HOXB3: variants seen among roughly 807,000 people sequenced by gnomAD.
The protein encoded by HOXB3 is homeobox protein Hox-B3.
A neutral mutation model predicts 29.2 loss-of-function variants in HOXB3; 17 were observed. The observed-to-expected ratio is 0.58, with a 90% confidence interval of 0.40 to 0.87. The LOEUF (loss-of-function observed/expected upper bound fraction) is 0.87, where lower values mean the gene tolerates loss of function less well. Among genes scored for constraint, HOXB3 ranks in the 40% least tolerant of loss-of-function variants. HOXB3 has a pLI of 0.00. For missense variants in HOXB3, 637 were observed against 616.3 expected (o/e 1.03, Z -0.35); for synonymous variants, 317 against 285.9 (o/e 1.11, Z -1.10).
intron 2 of HOXB3, among the ~76,000 whole-genome samples, chr17:48,556,138 G>A (rs1308910154): frequency 1.8e-5 from 2 of 113,562 alleles, no homozygotes; most frequent in Non-Finnish European, 4.2e-5. Flanking sequence ...AAGAAAAGAA[G>A]GAGGGTTTTT....
intron 1 of HOXB3, among the ~76,000 whole-genome samples, chr17:48,582,805 G>A (rs1294340111): frequency 1.3e-5 from 2 of 152,290 alleles, no homozygotes; most frequent in South Asian, 2.1e-4. Context: ...GAGTCAGTCG[G>A]CCACGCCCCT....
rs1308966213 is a variant in HOXB3 at position 48,551,068 on chromosome 17, A to T, written c.562T>A (p.Ser188Thr). 3.2e-6 allele frequency: 5 copies of T among 1,548,596 alleles called. No homozygotes were observed. The highest frequency in any genetic ancestry group is 4.4e-6 in the Non-Finnish European group (5 of 1,143,188). The change falls in exon 5 of 5, where the codon TCC becomes ACC. Residue 188 changes from serine (S) to threonine (T), a missense_variant. Ser to Thr is a moderately conservative substitution (Grantham distance 58). Coordinates refer to ENST00000498678, the MANE Select transcript of HOXB3 (RefSeq NM_001384749.1). ...GTGTACGCCGTCCGCGCCCGCTTGG[A>T]CGCCGCCGACCCCGGGGGGCTCTTG... ...GDKSPPGSAA[S>T]KRARTAYTSA...
intron 1 of HOXB3, chr17:48,576,645 T>TGCCCCCCCC: frequency 1.8e-6 from 1 of 559,068 alleles, no homozygotes; most frequent in Non-Finnish European, 2.5e-6. Flanking sequence ...CAGGGCCCCC[T>TGCCCCCCCC]CCTGTCCCCC....
intron 4 of HOXB3, 39 bp downstream of exon 4, chr17:48,551,988 C>CTT (rs753449425): frequency 7.2e-6 from 11 of 1,517,524 alleles, no homozygotes; most frequent in Non-Finnish European, 9.8e-6. Flanking sequence ...TTCCTGGCTC[C>CTT]GACAAAAGCT....
intron 3 of HOXB3, chr17:48,552,953 G>C (rs1295596380): frequency 6.4e-6 from 1 of 156,354 alleles, no homozygotes. Flanking sequence ...CTCTGGGATA[G>C]GATGGCTCAA....
chr17:48,583,850 A>G (rs780481652), intron 1 of HOXB3, among the ~76,000 whole-genome samples: 1 of 152,190 alleles, frequency 6.6e-6, no homozygotes, highest in African/African-American at 2.4e-5. Flanking sequence ...CCTTCACCCA[A>G]TTGGTTTAGT....
At chr17:48,555,335 GGAGAGAGAGAGA>G (rs763845981) in intron 3 of HOXB3, 184 bp downstream of exon 3, 3 of 470,716 alleles carry the variant, frequency 6.4e-6, no homozygotes, top group Admixed American at 7.9e-5. Context: ...AGAGAGAGAG[GGAGAGAGAGAGA>G]GAGAGAGAGA....
rs199931581 is a variant in HOXB3, at chr17:48,552,102, G to A, written c.373C>T (p.Leu125Phe). 8 of 1,613,472 alleles carry A rather than the reference G, an allele frequency of 5.0e-6. 1 individual carries two copies. In the East Asian group the frequency reaches 1.8e-4, roughly 36 times the overall value. The part of the protein sequence containing the change: ...PKCGPGTNST[L>F]TKQIFPWMKE... ...ATCCAGGGGAATATCTGTTTGGTGAGGGTGGAGTTGGTGCCGGGACCGCAC... is the reference window on the plus strand; with the variant it reads ...ATCCAGGGGAATATCTGTTTGGTGAAGGTGGAGTTGGTGCCGGGACCGCAC... Residue 125 changes from leucine to phenylalanine, a missense_variant, in exon 4 of 5, where the codon CTC becomes TTC. Physicochemically the swap from Leu to Phe is conservative, Grantham distance 22. Transcript: ENST00000498678.
chr17:48,567,990 C>G (rs1185115531), intron 2 of HOXB3, among the ~76,000 whole-genome samples: 1 of 152,186 alleles, frequency 6.6e-6, no homozygotes, highest in Non-Finnish European at 1.5e-5. Flanking sequence ...TGACCACCCC[C>G]CAGACACATC....
intron 1 of HOXB3, among the ~76,000 whole-genome samples, chr17:48,587,383 C>T (rs1450788517): frequency 6.6e-6 from 1 of 152,190 alleles, no homozygotes. Flanking sequence ...CCAGTATCCC[C>T]TCCCTTAAAA....
rs541703259 is a variant in HOXB3 at position 48,554,622 on chromosome 17, C to A, written c.-159+909G>T. 6.0e-5 allele frequency: 42 copies of A among 701,890 alleles called. No homozygotes were observed. In the African/African-American group the frequency reaches 7.2e-4, roughly 12 times the overall value. The allele number at this position is 701,890 out of a possible 1,614,324, so 43.5% of individuals were successfully genotyped here. On this transcript the variant is annotated intron_variant, in intron 3 of 4. Transcript: ENST00000498678. This position sits in a 1 kb window ranked among gnomAD's most constrained non-coding sequence, Gnocchi z 4.1. The stretch of plus-strand genomic sequence containing the variant: ...GCCGCGGCGACTGGCGACAAGCTAC[C>A]AGCCACCTACGATGGCCCAAGGAGG...
chr17:48,587,950 G>A (rs1183411973), intron 1 of HOXB3, among the ~76,000 whole-genome samples: 1 of 152,236 alleles, frequency 6.6e-6, no homozygotes, highest in Non-Finnish European at 1.5e-5. Flanking sequence ...TGGCCAGAGG[G>A]TACCGGCTTG....
intron 3 of HOXB3, among the ~76,000 whole-genome samples, chr17:48,555,013 AC>A (rs1231759332): frequency 6.7e-6 from 1 of 149,900 alleles, no homozygotes; most frequent in Non-Finnish European, 1.5e-5. Context: ...AGGGAGGGAG[AC>A]GGTGGCTGCC....
intron 2 of HOXB3, among the ~76,000 whole-genome samples, chr17:48,561,764 T>C (rs891470762): frequency 2.6e-5 from 4 of 152,214 alleles, no homozygotes; most frequent in African/African-American, 9.7e-5. Context: ...AAGGCCTGAA[T>C]TTCAGATGTT....
chr17:48,573,587 A>G (rs904519554), intron 2 of HOXB3, among the ~76,000 whole-genome samples: 11 of 152,140 alleles, frequency 7.2e-5, no homozygotes, highest in African/African-American at 2.4e-4. Context: ...GGGGTTTTTC[A>G]TGGGCCCTGA....
chr17:48,573,494 T>G (rs1438570475), intron 2 of HOXB3, among the ~76,000 whole-genome samples: 1 of 152,138 alleles, frequency 6.6e-6, no homozygotes, highest in Non-Finnish European at 1.5e-5. Context: ...CATGCACACA[T>G]GCTGGGGCTC....
chr17:48,551,542 C>T (rs1163490500), intron 4 of HOXB3, among the ~76,000 whole-genome samples: 3 of 152,214 alleles, frequency 2.0e-5, no homozygotes, highest in African/African-American at 7.2e-5. Context: ...GACATTTCCC[C>T]TCCCCGCCCA....
intron 1 of HOXB3, chr17:48,578,118 A>T: frequency 7.5e-7 from 1 of 1,341,018 alleles, no homozygotes; most frequent in Non-Finnish European, 9.7e-7. Context: ...GGGTCCCGGC[A>T]GGCCGCGTAG....
intron 3 of HOXB3, among the ~76,000 whole-genome samples, chr17:48,555,115 G>T (rs1177806240): frequency 6.6e-6 from 1 of 151,938 alleles, no homozygotes; most frequent in Non-Finnish European, 1.5e-5. Context: ...AGCCAGGAGA[G>T]TAACAATAGC....
Sources: allele counts gnomAD v4.1 joint callset (sites outside exome capture counted in the v4.1 genomes callset), GRCh38; gene constraint gnomAD v4.1.1; non-coding constraint Gnocchi (gnomAD v3.1); transcripts MANE v1.5; gene names NCBI Gene and HGNC (gene_info 2026-07-23, HGNC 2026-07-21).